The following SUPT3H variants were observed in gnomAD, a reference collection of about 807,000 sequenced individuals.
SUPT3H encodes the protein transcription initiation protein SPT3 homolog.
SUPT3H carries 44 observed loss-of-function variants against 44.3 expected under a neutral mutation model. The observed-to-expected ratio is 0.99, with a 90% CI of 0.78 to 1.28. The LOEUF (loss-of-function observed/expected upper bound fraction) is 1.28. Among genes scored for constraint, SUPT3H ranks in the 50% most tolerant of loss-of-function variants. The pLI is 0.00. For synonymous variants in SUPT3H, 124 were observed against 125.6 expected, an observed-to-expected ratio of 0.99 and a Z score of 0.09; for missense variants, 380 against 387.1, an observed-to-expected ratio of 0.98 and a Z score of 0.15.
chr6:45,085,947 C>T (rs1160238792), intron 3 of SUPT3H, among the ~76,000 whole-genome samples: 2 of 152,032 alleles, frequency 1.3e-5, no homozygotes, highest in East Asian at 3.9e-4. Flanking sequence ...TAAAACAACT[C>T]AATTATAATC....
intron 2 of SUPT3H, among the ~76,000 whole-genome samples, chr6:45,287,858 C>A (rs988471707): frequency 3.3e-5 from 5 of 152,148 alleles, no homozygotes; most frequent in African/African-American, 4.8e-5. Context: ...ACAGACTTAT[C>A]CTAAAAATTA....
chr6:44,900,494 G>C (rs535836947), intron 10 of SUPT3H, among the ~76,000 whole-genome samples: 1 of 152,212 alleles, frequency 6.6e-6, no homozygotes. Flanking sequence ...TGCCATTGCC[G>C]AGGCTTGAGT....
intron 10 of SUPT3H, among the ~76,000 whole-genome samples, chr6:44,856,899 T>G (rs1004886821): frequency 6.6e-6 from 1 of 152,180 alleles, no homozygotes; most frequent in Non-Finnish European, 1.5e-5. Flanking sequence ...CAGTTTGACA[T>G]GGAACTCATA....
Position 45,365,248 on chromosome 6 carries a change from C to G in SUPT3H, c.54G>C (p.Arg18Ser). 1 of 1,612,650 alleles carries G rather than the reference C, an allele frequency of 6.2e-7. No individual in the cohort carries two copies. Among genetic ancestry groups the G allele is most frequent in the Non-Finnish European group, 8.5e-7 (1 of 1,179,238 alleles). Reference sequence around the variant, plus strand: ...CAAAGCTTATAGACTTCCCTGTACTCCTTCCACTACTTGAAGTTGCAGTAG... The same window carrying G: ...CAAAGCTTATAGACTTCCCTGTACTGCTTCCACTACTTGAAGTTGCAGTAG... ...PMSTATSSSG[R>S]STGKSISFAT... The change falls in exon 2 of 11, where the codon AGG becomes AGC. Residue 18 changes from arginine to serine, a missense_variant. Transcript: ENST00000371459.
intron 2 of SUPT3H, among the ~76,000 whole-genome samples, chr6:45,279,859 T>C (rs1777670420): frequency 6.6e-6 from 1 of 152,220 alleles, no homozygotes; most frequent in Non-Finnish European, 1.5e-5. Flanking sequence ...CTAGTTGATA[T>C]TTCAACTTGG....
At chr6:45,122,346 A>G (rs1033608101) in intron 2 of SUPT3H, among the ~76,000 whole-genome samples, 3 of 152,206 alleles carry the variant, frequency 2.0e-5, no homozygotes, top group Non-Finnish European at 4.4e-5. Context: ...AAATTTTCTT[A>G]AAATCACACA....
intron 3 of SUPT3H, among the ~76,000 whole-genome samples, chr6:45,088,828 A>G (rs1796792155): frequency 6.6e-6 from 1 of 152,058 alleles, no homozygotes; most frequent in Non-Finnish European, 1.5e-5. Context: ...TTTGATTGTT[A>G]TATGATTTTA....
chr6:45,053,012 G>A (rs1369029233), intron 3 of SUPT3H, among the ~76,000 whole-genome samples: 1 of 151,922 alleles, frequency 6.6e-6, no homozygotes, highest in Non-Finnish European at 1.5e-5. Flanking sequence ...GGAGGGAGGA[G>A]AGTTGAGAAT....
intron 2 of SUPT3H, among the ~76,000 whole-genome samples, chr6:45,213,984 A>G (rs1300639770): frequency 1.4e-5 from 2 of 144,506 alleles, no homozygotes; most frequent in African/African-American, 5.1e-5. Context: ...CATGTTAATA[A>G]CACTCGAAAG....
chr6:45,347,277 A>G lies in SUPT3H; in HGVS notation c.101+17924T>C, dbSNP rs551192501. On this transcript the variant is annotated intron_variant, in intron 2 of 10. Transcript: ENST00000371459. The stretch of plus-strand genomic sequence containing the variant: ...CAGTGAATAATTAAATTTCTTTAAA[A>G]TGAATTCGATTTCACTGATATATAT... 2.6e-5 allele frequency among the ~76,000 whole-genome samples: 4 copies of G among 152,326 alleles called. No individual in the cohort carries two copies. The East Asian group carries it at 7.7e-4, about 29-fold the overall frequency.
At chr6:45,275,751 T>G (rs1245753500) in intron 2 of SUPT3H, among the ~76,000 whole-genome samples, 2 of 152,252 alleles carry the variant, frequency 1.3e-5, no homozygotes, top group South Asian at 2.1e-4. Flanking sequence ...AGAGAATACT[T>G]AAATTCTCCA....
intron 3 of SUPT3H, among the ~76,000 whole-genome samples, chr6:45,089,472 C>T (rs1395176333): frequency 6.6e-6 from 1 of 152,024 alleles, no homozygotes; most frequent in Non-Finnish European, 1.5e-5. Flanking sequence ...TAAAACCCTT[C>T]TTCTTCTGCG....
intron 11 of SUPT3H, among the ~76,000 whole-genome samples, chr6:44,814,408 C>T (rs990285637): frequency 5.3e-5 from 8 of 152,052 alleles, no homozygotes; most frequent in Non-Finnish European, 8.8e-5. Flanking sequence ...CCAAACTTCC[C>T]AGAGAGTATC....
At chr6:45,355,556 A>G (rs937198058) in intron 2 of SUPT3H, among the ~76,000 whole-genome samples, 3 of 152,140 alleles carry the variant, frequency 2.0e-5, no homozygotes, top group Non-Finnish European at 4.4e-5. Flanking sequence ...TCTCCACTGT[A>G]TCATGCTACC....
intron 4 of SUPT3H, among the ~76,000 whole-genome samples, chr6:45,020,215 A>C (rs190379818): frequency 6.6e-5 from 10 of 152,108 alleles, no homozygotes; most frequent in Admixed American, 5.9e-4. Context: ...AGAAAAATAA[A>C]TATGCCATTC....
At chr6:45,134,194 G>GA (rs1803917564) in intron 2 of SUPT3H, among the ~76,000 whole-genome samples, 1 of 152,158 alleles carries the variant, frequency 6.6e-6, no homozygotes, top group African/African-American at 2.4e-5. Flanking sequence ...GAAAGGGCAA[G>GA]AGAGTGCAAG....
In SUPT3H at chr6:45,322,901, T is replaced by C. The variant is rs371911961; in HGVS notation, c.101+42300A>G. The C allele has an allele frequency of 1.0e-4, 167 of 1,612,934 alleles. No individual in the cohort carries two copies. The highest frequency in any genetic ancestry group is 1.2e-4 in the Non-Finnish European group (145 of 1,179,272). On this transcript the variant is annotated intron_variant, in intron 2 of 10. Transcript: ENST00000371459. ...CACCTGTCAAAGTTGAAGAACGTTGTTCCAAAGACCACCATGAGTCCATGG... is the reference window on the plus strand; with the variant it reads ...CACCTGTCAAAGTTGAAGAACGTTGCTCCAAAGACCACCATGAGTCCATGG...
At chr6:44,840,222 A>G (rs571315714) in intron 10 of SUPT3H, among the ~76,000 whole-genome samples, 19 of 152,234 alleles carry the variant, frequency 1.2e-4, no homozygotes, top group Non-Finnish European at 2.4e-4. Context: ...TATAAAATAT[A>G]GCCTCAATGT....
chr6:45,276,116 T>C (rs1584632320), intron 2 of SUPT3H, among the ~76,000 whole-genome samples: 3 of 152,110 alleles, frequency 2.0e-5, no homozygotes, highest in South Asian at 2.1e-4. Context: ...CGCACTAAAA[T>C]ATTCTGCTAT....
Sources: gnomAD v4.1 joint callset for allele counts (sites outside exome capture counted in the v4.1 genomes callset) on GRCh38, gnomAD v4.1.1 for gene constraint, MANE v1.5 for transcripts, NCBI Gene and HGNC (gene_info 2026-07-23, HGNC 2026-07-21) for gene names.